Variants in CPQ observed in about 807,000 individuals in gnomAD.
CPQ encodes the protein carboxypeptidase Q.
CPQ carries 37 observed loss-of-function variants against 45.7 expected under a neutral mutation model. The ratio of observed to expected loss-of-function variants is 0.81; its 90% confidence interval spans 0.62 to 1.07. The LOEUF is 1.07. CPQ is among the 50% of genes least tolerant of loss of function. The probability of loss-of-function intolerance (pLI) is 0.00; values close to 1 mark genes in which losing one functional copy is unlikely to be tolerated. For missense variants in CPQ, 537 were observed against 572.9 expected, an observed-to-expected ratio of 0.94 and a Z score of 0.64; for synonymous variants, 186 against 205.8, an observed-to-expected ratio of 0.90 and a Z score of 0.82.
intron 2 of CPQ, among the ~76,000 whole-genome samples, chr8:96,832,612 T>C (rs1417265902): frequency 6.6e-6 from 1 of 152,186 alleles, no homozygotes; most frequent in African/African-American, 2.4e-5. Context: ...GGGCGGTACC[T>C]GATCCAGGCT....
At chr8:97,110,051 A>G (rs543620793) in intron 7 of CPQ, among the ~76,000 whole-genome samples, 49 of 152,292 alleles carry the variant, frequency 3.2e-4, no homozygotes, top group African/African-American at 1.1e-3. Context: ...TTGGATAATT[A>G]TGTAACCTGG....
At chr8:96,724,490 GACACACACACAC>G (rs146087978) in intron 1 of CPQ, among the ~76,000 whole-genome samples, 15 of 144,690 alleles carry the variant, frequency 1.0e-4, no homozygotes, top group Admixed American at 2.1e-4. Context: ...ATTTAGAGTA[GACACACACACAC>G]ACACACACAC....
chr8:96,856,214 G>T (rs981103874), intron 3 of CPQ, among the ~76,000 whole-genome samples: 1 of 152,214 alleles, frequency 6.6e-6, no homozygotes, highest in African/African-American at 2.4e-5. Context: ...GACACAGATT[G>T]TGTGGAGCAG....
At chr8:96,959,896 A>AAAAAAAAAAAAAAAAC (rs1813425983) in intron 4 of CPQ, among the ~76,000 whole-genome samples, 1 of 151,372 alleles carries the variant, frequency 6.6e-6, no homozygotes, top group Non-Finnish European at 1.5e-5. Flanking sequence ...AAAAGCAAAA[A>AAAAAAAAAAAAAAAAC]AAAAAAAAAA....
At chr8:97,077,821 A>T (rs1586529810) in intron 7 of CPQ, among the ~76,000 whole-genome samples, 2 of 152,304 alleles carry the variant, frequency 1.3e-5, no homozygotes, top group Middle Eastern at 3.4e-3. Flanking sequence ...GGCCAACTAG[A>T]TTTAATTTCA....
At chr8:96,715,610 G>A (rs1239091003) in intron 1 of CPQ, among the ~76,000 whole-genome samples, 4 of 152,178 alleles carry the variant, frequency 2.6e-5, no homozygotes, top group Admixed American at 1.3e-4. Flanking sequence ...GACCCTTCAT[G>A]AGTACCAGGG....
chr8:96,864,543 A>G (rs1195455476), intron 3 of CPQ, among the ~76,000 whole-genome samples: 3 of 152,058 alleles, frequency 2.0e-5, no homozygotes, highest in African/African-American at 7.2e-5. Flanking sequence ...AGCAGTATGT[A>G]GAATGGCTAC....
chr8:97,006,128 T>C (rs1029016427), intron 5 of CPQ, among the ~76,000 whole-genome samples: 5 of 152,188 alleles, frequency 3.3e-5, no homozygotes, highest in African/African-American at 1.2e-4. Context: ...ATGAAGTCCT[T>C]GGACCTGTGG....
intron 6 of CPQ, among the ~76,000 whole-genome samples, chr8:97,053,114 T>C: frequency 6.6e-6 from 1 of 152,204 alleles, no homozygotes; most frequent in South Asian, 2.1e-4. Context: ...TCTAGTTACA[T>C]GCTCGCATGG....
intron 7 of CPQ, among the ~76,000 whole-genome samples, chr8:97,079,611 G>T (rs1325944029): frequency 6.6e-6 from 1 of 152,124 alleles, no homozygotes; most frequent in East Asian, 1.9e-4. Context: ...CATATAAGAT[G>T]CAGTCCCTGT....
intron 4 of CPQ, among the ~76,000 whole-genome samples, chr8:96,918,129 A>G (rs1456469121): frequency 6.6e-6 from 1 of 152,158 alleles, no homozygotes. Context: ...TAGGCTTATA[A>G]TAAAAACTAG....
chr8:96,953,078 AT>A (rs1245694082), intron 4 of CPQ, among the ~76,000 whole-genome samples: 2 of 152,104 alleles, frequency 1.3e-5, no homozygotes, highest in South Asian at 2.1e-4. Flanking sequence ...ATAATGTTAA[AT>A]TTTTGTTTTG....
chr8:96,672,999 G>A (rs1264917258), intron 1 of CPQ, among the ~76,000 whole-genome samples: 1 of 152,106 alleles, frequency 6.6e-6, no homozygotes, highest in African/African-American at 2.4e-5. Context: ...GGGTAAGAGT[G>A]TGCCAGGCAG....
At chr8:97,067,411 G>A (rs1810658060) in intron 7 of CPQ, among the ~76,000 whole-genome samples, 1 of 152,138 alleles carries the variant, frequency 6.6e-6, no homozygotes, top group Admixed American at 6.5e-5. Context: ...TATACACATA[G>A]GATGCCTAAC....
intron 3 of CPQ, among the ~76,000 whole-genome samples, chr8:96,873,081 G>C (rs1812098906): frequency 6.6e-6 from 1 of 151,672 alleles, no homozygotes; most frequent in South Asian, 2.1e-4. Context: ...CTTTACTTTG[G>C]AAGAAGCTAC....
At chr8:96,955,263 T>C (rs1193058550) in intron 4 of CPQ, among the ~76,000 whole-genome samples, 12 of 152,152 alleles carry the variant, frequency 7.9e-5, no homozygotes. Context: ...GAACCTGTTG[T>C]TTCCTGACTT....
At chr8:97,057,154 C>T (rs1461887175) in intron 6 of CPQ, among the ~76,000 whole-genome samples, 1 of 152,096 alleles carries the variant, frequency 6.6e-6, no homozygotes, top group Non-Finnish European at 1.5e-5. Flanking sequence ...TAAACTGGGA[C>T]TTCCTAGGGC....
chr8:96,762,476 A>G (rs1416257645), intron 1 of CPQ, among the ~76,000 whole-genome samples: 1 of 152,238 alleles, frequency 6.6e-6, no homozygotes, highest in East Asian at 1.9e-4. Context: ...ACTGGTTACT[A>G]TTTTGGGCAG....
At position 96,707,686 on chromosome 8, in the gene CPQ, TGAATGA is replaced by T. The variant is rs1479172444; in HGVS notation, c.-35+62285_-35+62290del. 1.9e-3 allele frequency among the ~76,000 whole-genome samples: 283 copies of T among 151,294 alleles called. 4 individuals are homozygous for T. Among genetic ancestry groups the T allele is most frequent in the Admixed American group, 0.012 (190 of 15,220 alleles). ...TTTAATGAATGAATGAATGAATGAA[TGAATGA>T]TTTTTTTTTTTGGCTTAGGACAACA... On this transcript the variant is annotated intron_variant, in intron 1 of 7. Transcript: ENST00000220763.
Sources: allele counts gnomAD v4.1 joint callset (sites outside exome capture counted in the v4.1 genomes callset), GRCh38; gene constraint gnomAD v4.1.1; transcripts MANE v1.5; gene names NCBI Gene and HGNC (gene_info 2026-07-23, HGNC 2026-07-21).